The following TENM2 variants were observed in gnomAD, a reference collection of about 807,000 sequenced individuals.
The protein encoded by TENM2 is teneurin transmembrane protein 2.
TENM2 carries 52 observed loss-of-function variants against 245.2 expected under a neutral mutation model. That is an observed-to-expected ratio of 0.21 (90% CI 0.17 to 0.27). The LOEUF (loss-of-function observed/expected upper bound fraction) is 0.27. Ranked by LOEUF, TENM2 falls within the 10% of genes least tolerant of loss-of-function variation. The probability of loss-of-function intolerance (pLI) is 1.00; values close to 1 mark genes in which losing one functional copy is unlikely to be tolerated. For missense variants in TENM2, 3,046 were observed against 3,666.8 expected, an observed-to-expected ratio of 0.83 and a Z score of 4.37; for synonymous variants, 1,363 against 1,438.9, an observed-to-expected ratio of 0.95 and a Z score of 1.19.
the TENM2 span, among the ~76,000 whole-genome samples, chr5:167,208,007 G>T: frequency 6.6e-6 from 1 of 152,198 alleles, no homozygotes; most frequent in Non-Finnish European, 1.5e-5. Context: ...ACCTGCCTCA[G>T]CCTCCCAAAG....
intron 2 of TENM2, among the ~76,000 whole-genome samples, chr5:167,516,452 A>G (rs746169635): frequency 1.3e-5 from 2 of 152,200 alleles, no homozygotes; most frequent in Non-Finnish European, 2.9e-5. Context: ...TCCATCTCTA[A>G]TGGAATCTCT....
chr5:168,213,662 CA>C (rs35806150), intron 20 of TENM2, among the ~76,000 whole-genome samples: 14,211 of 136,002 alleles, frequency 0.1, 738 homozygotes, highest in Middle Eastern at 0.16. Context: ...CCATCTCTAC[CA>C]AAAAAAAAAA....
chr5:167,510,057 T>A (rs1008129554), intron 2 of TENM2, among the ~76,000 whole-genome samples: 2 of 152,184 alleles, frequency 1.3e-5, no homozygotes, highest in Non-Finnish European at 2.9e-5. Flanking sequence ...TCTCCATCCG[T>A]CATATAGATT....
At chr5:167,476,717 G>C (rs1386861157) in intron 2 of TENM2, among the ~76,000 whole-genome samples, 6 of 152,090 alleles carry the variant, frequency 3.9e-5, no homozygotes, top group African/African-American at 1.4e-4. Flanking sequence ...TCCTGCCTCA[G>C]CCTCCCAAGT....
intron 2 of TENM2, among the ~76,000 whole-genome samples, chr5:167,428,167 C>G (rs1011214516): frequency 1.3e-5 from 2 of 152,092 alleles, no homozygotes; most frequent in Admixed American, 1.3e-4. Flanking sequence ...GCTATAGATA[C>G]AGAGATCATG....
chr5:167,355,027 A>G (rs1759217271), intron 1 of TENM2, among the ~76,000 whole-genome samples: 1 of 152,208 alleles, frequency 6.6e-6, no homozygotes, highest in South Asian at 2.1e-4. Flanking sequence ...ATCAGGAATA[A>G]GATACGATAT....
At chr5:167,474,987 G>A (rs1333807531) in intron 2 of TENM2, among the ~76,000 whole-genome samples, 2 of 152,094 alleles carry the variant, frequency 1.3e-5, no homozygotes, top group East Asian at 1.9e-4. Flanking sequence ...TATATTTTTA[G>A]ATGTTTCAGG....
intron 2 of TENM2, among the ~76,000 whole-genome samples, chr5:167,865,848 C>A (rs1772272892): frequency 6.6e-6 from 1 of 152,294 alleles, no homozygotes; most frequent in African/African-American, 2.4e-5. Context: ...ACACCCAAAA[C>A]CTAAGACAAC....
chr5:167,246,380 G>A, the TENM2 span, among the ~76,000 whole-genome samples: 3 of 151,828 alleles, frequency 2.0e-5, no homozygotes, highest in South Asian at 4.1e-4. Context: ...TATGCAAAAT[G>A]TTTTCTACAA....
the TENM2 span, among the ~76,000 whole-genome samples, chr5:167,089,912 C>G: frequency 6.6e-6 from 1 of 152,074 alleles, no homozygotes; most frequent in Non-Finnish European, 1.5e-5. Context: ...TAAGGACTCA[C>G]CAGGCAAGGC....
intron 12 of TENM2, among the ~76,000 whole-genome samples, chr5:168,158,829 G>GTGTATATATATATATATA (rs1397260649): frequency 1.8e-3 from 113 of 63,698 alleles, no homozygotes; most frequent in Non-Finnish European, 2.9e-3. Context: ...GTGTGTGTGT[G>GTGTATATATATATATATA]TATATATATA....
At chr5:167,237,783 T>C in the TENM2 span, among the ~76,000 whole-genome samples, 1 of 151,632 alleles carries the variant, frequency 6.6e-6, no homozygotes. Flanking sequence ...GAGGCCGAGG[T>C]GGGTGGATCA....
chr5:167,262,494 G>A, the TENM2 span, among the ~76,000 whole-genome samples: 5 of 152,084 alleles, frequency 3.3e-5, no homozygotes, highest in Admixed American at 3.3e-4. Context: ...GGCAAGGCAG[G>A]AAGGCAATAG....
intron 3 of TENM2, among the ~76,000 whole-genome samples, chr5:167,876,667 A>C (rs1352320274): frequency 6.6e-6 from 1 of 152,028 alleles, no homozygotes; most frequent in Non-Finnish European, 1.5e-5. Context: ...TGTTTAGATG[A>C]TTTTGAAATT....
intron 2 of TENM2, among the ~76,000 whole-genome samples, chr5:167,412,545 T>G (rs1762962428): frequency 6.6e-6 from 1 of 152,162 alleles, no homozygotes; most frequent in African/African-American, 2.4e-5. Flanking sequence ...TTTGCCGTGA[T>G]AAGATTATCT....
chr5:167,002,702 G>A, the TENM2 span, among the ~76,000 whole-genome samples: 1 of 151,736 alleles, frequency 6.6e-6, no homozygotes, highest in African/African-American at 2.4e-5. Flanking sequence ...GAGCCCAGGA[G>A]TTCAAGTCTG....
chr5:167,872,550 G>GAAAGAAAGA (rs1290116595), intron 2 of TENM2, among the ~76,000 whole-genome samples: 1 of 42,156 alleles, frequency 2.4e-5, no homozygotes, highest in Non-Finnish European at 6.5e-5. Context: ...GAAAGAAAGA[G>GAAAGAAAGA]AAAGAAAGAA....
intron 2 of TENM2, among the ~76,000 whole-genome samples, chr5:167,803,799 A>G (rs976952187): frequency 6.6e-6 from 1 of 152,048 alleles, no homozygotes; most frequent in African/African-American, 2.4e-5. Context: ...TGGTAAGTGT[A>G]CAGTTTAGTG....
At chr5:168,152,312 T>C (rs2152426691) in intron 12 of TENM2, among the ~76,000 whole-genome samples, 1 of 152,328 alleles carries the variant, frequency 6.6e-6, no homozygotes, top group Non-Finnish European at 1.5e-5. Flanking sequence ...TCTTTTGAGA[T>C]CTATTAGAAA....
Sources: allele counts gnomAD v4.1 joint callset (sites outside exome capture counted in the v4.1 genomes callset), GRCh38; gene constraint gnomAD v4.1.1; transcripts MANE v1.5; gene names NCBI Gene and HGNC (gene_info 2026-07-23, HGNC 2026-07-21).